The following EYS variants were observed in gnomAD, a reference collection of about 807,000 sequenced individuals.
The protein encoded by EYS is EGF-like photoreceptor maintenance factor.
In EYS, 250 loss-of-function variants were observed where a neutral mutation model predicts 282.1. The ratio of observed to expected loss-of-function variants is 0.89; its 90% CI spans 0.80 to 0.98. The LOEUF (loss-of-function observed/expected upper bound fraction) is 0.98. Among genes scored for constraint, EYS ranks in the 50% least tolerant of loss-of-function variants. The pLI is 0.00. For synonymous variants in EYS, 1,355 were observed against 1,282.9 expected (o/e 1.06, Z -1.20); for missense variants, 4,016 against 3,709.0 (o/e 1.08, Z -2.15).
chr6:63,841,661 C>T (rs556344172), intron 36 of EYS, among the ~76,000 whole-genome samples: 50 of 152,216 alleles, frequency 3.3e-4, no homozygotes, highest in African/African-American at 1.2e-3. Flanking sequence ...GCAGAACGTG[C>T]AGGCTTGTTA....
intron 30 of EYS, among the ~76,000 whole-genome samples, chr6:64,299,967 C>T (rs574551022): frequency 2.6e-5 from 4 of 152,112 alleles, no homozygotes; most frequent in South Asian, 4.1e-4. Context: ...ACGCTATCAC[C>T]AGGCCAAAAT....
chr6:63,814,029 T>A (rs1475372785), intron 36 of EYS, among the ~76,000 whole-genome samples: 1 of 152,204 alleles, frequency 6.6e-6, no homozygotes, highest in Non-Finnish European at 1.5e-5. Flanking sequence ...CTGTCTTTGT[T>A]CTTAACTTCT....
chr6:64,020,723 G>A (rs561700616), intron 33 of EYS, among the ~76,000 whole-genome samples: 7 of 152,220 alleles, frequency 4.6e-5, no homozygotes, highest in African/African-American at 1.4e-4. Context: ...TTTACCAACT[G>A]TATTTTATTG....
At chr6:65,587,379 A>T (rs1417776643) in intron 2 of EYS, among the ~76,000 whole-genome samples, 1 of 152,038 alleles carries the variant, frequency 6.6e-6, no homozygotes, top group African/African-American at 2.4e-5. Context: ...CATGGGAGGT[A>T]ATTGAATCGT....
intron 1 of EYS, among the ~76,000 whole-genome samples, chr6:65,641,230 A>G (rs1767265236): frequency 6.6e-6 from 1 of 152,238 alleles, no homozygotes; most frequent in Non-Finnish European, 1.5e-5. Flanking sequence ...AAGAACCAGA[A>G]GCATCAACGC....
chr6:64,388,760 A>C lies in EYS; in HGVS notation c.6008T>G (p.Leu2003Arg). Reference protein sequence around the residue: ...TQICESINHVLGKPLPKSGSV... With the variant: ...TQICESINHVRGKPLPKSGSV... ...TCCTGATTTTGGCAGGGGTTTTCCG[A>C]GTACATGATTGATAGATTCGCATAT... The change falls in exon 29 of 43, where the codon CTC (leucine) becomes CGC (arginine). Residue 2003 changes from leucine to arginine, a missense_variant. By Grantham distance (102) the Leu-to-Arg change is moderately radical. Coordinates refer to ENST00000503581, the MANE Select transcript of EYS (RefSeq NM_001142800.2). The C allele has an allele frequency of 6.5e-7, 1 of 1,545,430 alleles. No homozygotes were observed. The highest frequency in any genetic ancestry group is 1.2e-5 in the South Asian group (1 of 82,698).
At chr6:65,365,044 A>G (rs1316289835) in intron 8 of EYS, among the ~76,000 whole-genome samples, 2 of 151,650 alleles carry the variant, frequency 1.3e-5, no homozygotes, top group African/African-American at 2.4e-5. Flanking sequence ...ATTGCTTAAA[A>G]AAGTCATCCT....
chr6:64,004,194 A>AT (rs1768227688), intron 33 of EYS, among the ~76,000 whole-genome samples: 1 of 151,710 alleles, frequency 6.6e-6, no homozygotes, highest in African/African-American at 2.4e-5. Context: ...CTTAGGTATC[A>AT]TTTTTTTCTT....
chr6:64,813,639 A>C, intron 21 of EYS, 62 bp from the exon 22 acceptor site: 1 of 995,894 alleles, frequency 1.0e-6, no homozygotes, highest in Non-Finnish European at 1.4e-6. Flanking sequence ...TTTTAATATA[A>C]TTATATTTTT....
chr6:64,634,559 A>C (rs867240212), intron 22 of EYS, among the ~76,000 whole-genome samples: 11,121 of 151,796 alleles, frequency 0.073, 530 homozygotes, highest in Non-Finnish European at 0.11. Flanking sequence ...AAAAAAAAAA[A>C]AAAGAGCCCT....
At chr6:64,805,032 T>C (rs1437482949) in intron 22 of EYS, among the ~76,000 whole-genome samples, 1 of 152,090 alleles carries the variant, frequency 6.6e-6, no homozygotes, top group East Asian at 1.9e-4. Context: ...AATTAAGTTA[T>C]ATAATAATTA....
rs568657682 is a variant in EYS, at chr6:65,058,086, C to T, written c.2024-359G>A. Among the ~76,000 whole-genome samples, 6 of 152,118 alleles carry T rather than the reference C, an allele frequency of 3.9e-5. No individual in the cohort carries two copies. In the East Asian group the frequency reaches 7.8e-4, roughly 20 times the overall value. On this transcript the variant is annotated intron_variant, in intron 12 of 42. Coordinates refer to ENST00000503581, the MANE Select transcript of EYS (RefSeq NM_001142800.2). ...TAGGTGAAAGGAAATAAAAAAGGAA[C>T]GAAAAGAAAATATTGGTGAATCAAT...
chr6:64,709,094 T>C (rs1166028229), intron 22 of EYS, among the ~76,000 whole-genome samples: 1 of 152,112 alleles, frequency 6.6e-6, no homozygotes, highest in Admixed American at 6.5e-5. Context: ...GATGAAAATA[T>C]AATATGTTTT....
intron 7 of EYS, among the ~76,000 whole-genome samples, chr6:65,387,515 A>G (rs973072288): frequency 9.9e-5 from 15 of 151,922 alleles, no homozygotes; most frequent in Non-Finnish European, 2.2e-4. Context: ...ATATTTTACT[A>G]ACAGTAAAAA....
chr6:65,482,697 A>G (rs938526423), intron 5 of EYS, among the ~76,000 whole-genome samples: 2 of 152,182 alleles, frequency 1.3e-5, no homozygotes, highest in Non-Finnish European at 2.9e-5. Context: ...ACTATTCTCT[A>G]CTAGTCAGAT....
chr6:65,550,889 T>C (rs1301706346), intron 2 of EYS, among the ~76,000 whole-genome samples: 2 of 15,758 alleles, frequency 1.3e-4, no homozygotes, highest in Admixed American at 2.5e-3. Context: ...GTATTTCTAG[T>C]TCTAGATCCC....
At chr6:65,381,783 T>G (rs777756772) in intron 8 of EYS, among the ~76,000 whole-genome samples, 2 of 152,004 alleles carry the variant, frequency 1.3e-5, no homozygotes, top group Non-Finnish European at 1.5e-5. Flanking sequence ...AACTCACATA[T>G]AGTTTTGCAT....
intron 12 of EYS, among the ~76,000 whole-genome samples, chr6:65,221,742 A>T (rs1562031240): frequency 6.6e-6 from 1 of 152,174 alleles, no homozygotes; most frequent in East Asian, 1.9e-4. Context: ...ATCCACTGAC[A>T]GCTTGCACCA....
chr6:64,708,758 G>A (rs1771113552), intron 22 of EYS, among the ~76,000 whole-genome samples: 1 of 152,184 alleles, frequency 6.6e-6, no homozygotes, highest in Non-Finnish European at 1.5e-5. Context: ...TACAAGGACT[G>A]TCTGCATTGT....
Sources: allele counts gnomAD v4.1 joint callset (sites outside exome capture counted in the v4.1 genomes callset), GRCh38; gene constraint gnomAD v4.1.1; transcripts MANE v1.5; gene names NCBI Gene and HGNC (gene_info 2026-07-23, HGNC 2026-07-21).